KRT1: variants seen among roughly 807,000 people sequenced by gnomAD.
KRT1 encodes keratin 1, also known as keratin, type II cytoskeletal 1.
In KRT1, 28 loss-of-function variants were observed where a neutral mutation model predicts 51.6. The observed-to-expected ratio is 0.54, with a 90% CI of 0.40 to 0.74. KRT1 has a LOEUF of 0.74. KRT1 is among the 30% of genes least tolerant of loss of function. The pLI is 0.00. For missense variants in KRT1, 783 were observed against 815.5 expected (o/e 0.96, Z 0.49); for synonymous variants, 301 against 307.7 (o/e 0.98, Z 0.23).
intron 2 of KRT1, 25 bp downstream of exon 2, chr12:52,678,517 G>A (rs1216511183): frequency 1.9e-6 from 3 of 1,609,850 alleles, no homozygotes; most frequent in Non-Finnish European, 1.7e-6. Context: ...CAAAAGTTAA[G>A]AACTGCCCAG....
chr12:52,678,890 AG>A, intron 1 of KRT1, 134 bp from the exon 2 acceptor site: 1 of 827,808 alleles, frequency 1.2e-6, no homozygotes, highest in Non-Finnish European at 2.0e-6. Flanking sequence ...AAGATGATCA[AG>A]TTAATATCAT....
intron 3 of KRT1, 106 bp from the exon 4 acceptor site, chr12:52,677,851 C>T (rs1425893088): frequency 1.0e-6 from 1 of 969,232 alleles, no homozygotes; most frequent in Non-Finnish European, 1.6e-6. Context: ...TGGGTCTACT[C>T]CACTCCTTTT....
In KRT1 at chr12:52,678,633, G is replaced by A. The variant is rs759244867; in HGVS notation, c.715C>T (p.Arg239Ter). ...PYFESFINNL[R>*]RRVDQLKSDQ... is the part of the protein sequence containing the mutation. ...CTCTTCAGTTGGTCCACTCTCCTTC[G>A]GAGATTGTTGATGAATGACTCAAAG... Residue 239 changes from arginine to a stop codon, truncating the protein, a stop_gained, in exon 2 of 9, where the codon CGA becomes TGA. Coordinates refer to ENST00000252244, the MANE Select transcript of KRT1 (RefSeq NM_006121.4). LOFTEE classifies it high-confidence loss of function. The A allele has an allele frequency of 3.1e-6, 5 of 1,614,040 alleles. No homozygotes were observed. The highest frequency in any genetic ancestry group is 4.2e-6 in the Non-Finnish European group (5 of 1,180,040).
intron 1 of KRT1, among the ~76,000 whole-genome samples, chr12:52,679,360 A>G (rs1028358964): frequency 6.6e-6 from 1 of 151,780 alleles, no homozygotes; most frequent in African/African-American, 2.4e-5. Flanking sequence ...CTACAATAAC[A>G]CTCTATACTA....
At position 52,679,838 on chromosome 12, in the gene KRT1, G is replaced by T. The variant is rs1192654535; in HGVS notation, c.511C>A (p.Pro171Thr). 1 of 1,614,070 alleles carries T rather than the reference G, an allele frequency of 6.2e-7. No homozygotes were observed. Among genetic ancestry groups the T allele is most frequent in the Non-Finnish European group, 8.5e-7 (1 of 1,180,016 alleles). ...CGAGACTTCACCTTTTGGATCTCAG[G>T]GTCAATCTCCACATTGAGGGGCTGA... ...LLQPLNVEID[P>T]EIQKVKSRER... The change falls in exon 1 of 9, where the codon CCT becomes ACT. Residue 171 changes from proline (P) to threonine (T), a missense_variant. Transcript: ENST00000252244.
chr12:52,679,560 G>A (rs937670780), intron 1 of KRT1, among the ~76,000 whole-genome samples, 198 bp downstream of exon 1: 4 of 152,142 alleles, frequency 2.6e-5, no homozygotes, highest in African/African-American at 7.2e-5. Context: ...GGTCGACCAC[G>A]AACCCTTTGT....
rs1342761835 is a variant in KRT1 at position 52,675,564 on chromosome 12, C to T, written c.1564G>A (p.Gly522Ser). The change falls in exon 9 of 9, where the codon GGC becomes AGC. Residue 522 changes from glycine to serine, a missense_variant. Gly to Ser is a moderately conservative substitution (Grantham distance 56). Coordinates refer to ENST00000252244, the MANE Select transcript of KRT1 (RefSeq NM_006121.4). Reference sequence around the variant, plus strand: ...CTACCTCCAGAGCCGTAGCCACCGCCGCCACCTCCTCGGCTGCCACCTCCA... The same window carrying T: ...CTACCTCCAGAGCCGTAGCCACCGCTGCCACCTCCTCGGCTGCCACCTCCA... ...ISGGGSRGGG[G>S]GGYGSGGSSY... 4 of 1,614,098 alleles carry T rather than the reference C, an allele frequency of 2.5e-6. No homozygotes were observed. The highest frequency in any genetic ancestry group is 1.1e-5 in the South Asian group (1 of 91,074).
At position 52,678,248 on chromosome 12, in the gene KRT1, G is replaced by A. The variant is rs764305315; in HGVS notation, c.807-25C>T. The A allele has an allele frequency of 5.6e-6, 9 of 1,612,350 alleles. 1 individual carries two copies. The South Asian group carries it at 9.9e-5, about 18-fold the overall frequency. ...CCTGCAGGAAAGCAGAAACAATTAG[G>A]AGATTCAGAGGTGGTAAGACCTGAA... is the stretch of plus-strand genomic sequence containing the variant. On this transcript the variant is annotated intron_variant, in intron 2 of 8. Coordinates refer to ENST00000252244, the MANE Select transcript of KRT1 (RefSeq NM_006121.4).
rs1941522907 is a variant in KRT1, at chr12:52,677,307, C to G, written c.1128+9G>C. On this transcript the variant is annotated intron_variant, in intron 5 of 8. Coordinates refer to ENST00000252244, the MANE Select transcript of KRT1 (RefSeq NM_006121.4). ...TCAGGGAAACTGGCTAGGCTTTCAGCCCACTCACCTTGCTCTGGTACAAGG... is the reference window on the plus strand; with the variant it reads ...TCAGGGAAACTGGCTAGGCTTTCAGGCCACTCACCTTGCTCTGGTACAAGG... 2 of 1,614,226 alleles carry G rather than the reference C, an allele frequency of 1.2e-6. No homozygotes were observed. The highest frequency in any genetic ancestry group is 2.7e-5 in the African/African-American group (2 of 75,046).
chr12:52,679,514 G>T (rs1941555429), intron 1 of KRT1, among the ~76,000 whole-genome samples: 1 of 152,156 alleles, frequency 6.6e-6, no homozygotes, highest in Admixed American at 6.5e-5. Flanking sequence ...TGAATAAAAA[G>T]CACTTAAATG....
chr12:52,678,310 A>G, intron 2 of KRT1, 87 bp from the exon 3 acceptor site: 1 of 1,347,874 alleles, frequency 7.4e-7, no homozygotes, highest in Non-Finnish European at 1.1e-6. Flanking sequence ...ATTGCCTATC[A>G]CTGCCTTTCT....
chr12:52,676,486 A>G lies in KRT1; in HGVS notation c.1264T>C (p.Leu422=), dbSNP rs1229251474. The part of the protein sequence containing the change: ...IDNVKKQISN[L]QQSISDAEQR... ...TCTGCATCACTGATGGACTGCTGCA[A>G]GTTGGAGATCTGAAAAAGAATATGA... The change falls in exon 7 of 9, where the codon TTG becomes CTG. Residue 422 remains leucine, a synonymous_variant. Coordinates refer to ENST00000252244, the MANE Select transcript of KRT1 (RefSeq NM_006121.4). 1.2e-6 allele frequency: 2 copies of G among 1,614,206 alleles called. No individual in the cohort carries two copies. The highest frequency in any genetic ancestry group is 1.1e-5 in the South Asian group (1 of 91,084).
In KRT1 at chr12:52,676,371, C is replaced by A. The variant is rs777516621; in HGVS notation, c.1379G>T (p.Arg460Leu). The A allele has an allele frequency of 1.2e-6, 2 of 1,614,216 alleles. No individual in the cohort carries two copies. The highest frequency in any genetic ancestry group is 2.2e-5 in the East Asian group (1 of 44,880). Residue 460 changes from arginine (R) to leucine (L), a missense_variant, in exon 7 of 9, where the codon CGC becomes CTC. Physicochemically the swap from Arg to Leu is moderately radical, Grantham distance 102. Coordinates refer to ENST00000252244, the MANE Select transcript of KRT1 (RefSeq NM_006121.4). ...ALQQAKEDLA[R>L]LLRDYQELMN... ...CAGCTCCTGGTAGTCGCGCAGCAGGCGGGCCAGGTCTTCCTTGGCCTGCTG... is the reference window on the plus strand; with the variant it reads ...CAGCTCCTGGTAGTCGCGCAGCAGGAGGGCCAGGTCTTCCTTGGCCTGCTG...
At chr12:52,677,215 T>G in intron 5 of KRT1, 31 bp from the exon 6 acceptor site, 1 of 1,614,198 alleles carries the variant, frequency 6.2e-7, no homozygotes, top group East Asian at 2.2e-5. Flanking sequence ...TTGTTAAATG[T>G]AGGCAGAACT....
chr12:52,676,374 G>A lies in KRT1; in HGVS notation c.1376C>T (p.Ala459Val), dbSNP rs749682564. ...DALQQAKEDL[A>V]RLLRDYQELM... is the part of the protein sequence containing the mutation. ...CTCCTGGTAGTCGCGCAGCAGGCGGGCCAGGTCTTCCTTGGCCTGCTGCAG... is the reference window on the plus strand; with the variant it reads ...CTCCTGGTAGTCGCGCAGCAGGCGGACCAGGTCTTCCTTGGCCTGCTGCAG... The change falls in exon 7 of 9, where the codon GCC (alanine) becomes GTC (valine). Residue 459 changes from alanine to valine, a missense_variant. By Grantham distance (64) the Ala-to-Val change is moderately conservative. Transcript: ENST00000252244. 5.0e-6 allele frequency: 8 copies of A among 1,614,064 alleles called. No homozygotes were observed. The African/African-American group carries it at 9.3e-5, about 19-fold the overall frequency.
chr12:52,679,860 C>T lies in KRT1; in HGVS notation c.489G>A (p.Gln163=), dbSNP rs763309701. ...CAGGGTCAATCTCCACATTGAGGGG[C>T]TGAAGAAGGCTCTGGTTGATAGTGA... is the stretch of plus-strand genomic sequence containing the variant. ...QEVTINQSLL[Q]PLNVEIDPEI... The change falls in exon 1 of 9, where the codon CAG becomes CAA. Residue 163 remains glutamine (Q), a synonymous_variant. Coordinates refer to ENST00000252244, the MANE Select transcript of KRT1 (RefSeq NM_006121.4). 2 of 1,614,022 alleles carry T rather than the reference C, an allele frequency of 1.2e-6. No homozygotes were observed. The highest frequency in any genetic ancestry group is 1.7e-6 in the Non-Finnish European group (2 of 1,180,030).
In KRT1 at chr12:52,677,105, C is replaced by T. The variant is rs1357860081; in HGVS notation, c.1208G>A (p.Arg403His). ...TTCAGATCTAAGTCTCTGGATCACA[C>T]GATTCAGCTCAGAAATTTCTATCTT... ...NSKIEISELN[R>H]VIQRLRSEID... The change falls in exon 6 of 9, where the codon CGT (arginine) becomes CAT (histidine). Residue 403 changes from arginine (R) to histidine (H), a missense_variant. Arg to His is a conservative substitution (Grantham distance 29, BLOSUM62 0). Coordinates refer to ENST00000252244, the MANE Select transcript of KRT1 (RefSeq NM_006121.4). The T allele has an allele frequency of 6.9e-5, 111 of 1,613,892 alleles. No homozygotes were observed. Among genetic ancestry groups the T allele is most frequent in the Non-Finnish European group, 8.9e-5 (105 of 1,180,046 alleles).
At chr12:52,679,688 T>C in intron 1 of KRT1, 70 bp downstream of exon 1, 2 of 1,163,892 alleles carry the variant, frequency 1.7e-6, no homozygotes, top group Non-Finnish European at 1.2e-6. Context: ...TCAAACCTAC[T>C]GTGTTTTGAC....
At position 52,675,236 on chromosome 12, in the gene KRT1, C is replaced by T. The variant is rs1941481202; in HGVS notation, c.1892G>A (p.Ser631Asn). 4.3e-6 allele frequency: 7 copies of T among 1,613,946 alleles called. No individual in the cohort carries two copies. The highest frequency in any genetic ancestry group is 5.9e-6 in the Non-Finnish European group (7 of 1,180,034). The change falls in exon 9 of 9, where the codon AGC (serine) becomes AAC (asparagine). Residue 631 changes from serine to asparagine, a missense_variant. By Grantham distance (46) the Ser-to-Asn change is conservative (BLOSUM62 1). Transcript: ENST00000252244. ...ATAAGTGGTAGAAACAAACTTCACG[C>T]TGGAACTGCCACCAGAGGACTTGAC... ...GGVKSSGGSS[S>N]VKFVSTTYSG... is the part of the protein sequence containing the mutation.
Sources: gnomAD v4.1 joint callset for allele counts (sites outside exome capture counted in the v4.1 genomes callset) on GRCh38, gnomAD v4.1.1 for gene constraint, MANE v1.5 for transcripts, NCBI Gene and HGNC (gene_info 2026-07-23, HGNC 2026-07-21) for gene names.